PATE2: variants seen among roughly 807,000 people sequenced by gnomAD.
PATE2 encodes prostate and testis expressed protein 2.
PATE2 carries 7 observed loss-of-function variants against 10.5 expected under a neutral mutation model. That is an observed-to-expected ratio of 0.66 (90% CI 0.38 to 1.25). The LOEUF is 1.25. Ranked by LOEUF, PATE2 falls within the 50% of genes most tolerant of loss-of-function variation. The pLI, the probability that PATE2 is intolerant of heterozygous loss-of-function variation, is 0.02. For synonymous variants in PATE2, 44 were observed against 46.9 expected, an observed-to-expected ratio of 0.94 and a Z score of 0.25; for missense variants, 133 against 135.4, an observed-to-expected ratio of 0.98 and a Z score of 0.09.
At chr11:125,778,067 C>G (rs1943504117) in intron 2 of PATE2, 65 bp from the exon 3 acceptor site, 2 of 1,562,034 alleles carry the variant, frequency 1.3e-6, no homozygotes, top group African/African-American at 2.7e-5. Context: ...GGGCTGGGGG[C>G]TTCACTACAG....
intron 2 of PATE2, 151 bp downstream of exon 2, chr11:125,778,401 T>C (rs1943507128): frequency 2.3e-6 from 2 of 857,546 alleles, no homozygotes; most frequent in Middle Eastern, 2.3e-4. Flanking sequence ...CTCTAAGAAA[T>C]GGACAAAACA....
intron 1 of PATE2, 56 bp downstream of exon 1, chr11:125,778,666 A>G (rs915843347): frequency 6.2e-7 from 1 of 1,612,478 alleles, no homozygotes; most frequent in Admixed American, 1.7e-5. Context: ...CTCTTCCCCC[A>G]GCATCTGTCC....
chr11:125,778,716 A>T lies in PATE2; in HGVS notation c.52+6T>A. 6.2e-7 allele frequency: 1 copy of T among 1,613,566 alleles called. No homozygotes were observed. The highest frequency in any genetic ancestry group is 8.5e-7 in the Non-Finnish European group (1 of 1,179,700). On this transcript the variant is annotated splice_donor_region_variant and intron_variant, in intron 1 of 3. Coordinates refer to ENST00000358524, the MANE Select transcript of PATE2 (RefSeq NM_212555.3). Reference sequence around the variant, plus strand: ...CACCAGCTTCCCCTCTGTCTCCAGGACTTACCCCAATATGGGCAGAGCAGA... The same window carrying T: ...CACCAGCTTCCCCTCTGTCTCCAGGTCTTACCCCAATATGGGCAGAGCAGA...
chr11:125,778,146 T>G lies in PATE2; in HGVS notation c.77-144A>C, dbSNP rs370098281. Reference sequence around the variant, plus strand: ...GGACTCTTGGTAATCTTGAGAAAGATAGGGATAATCATGCTGCGGTCCTCC... The same window carrying G: ...GGACTCTTGGTAATCTTGAGAAAGAGAGGGATAATCATGCTGCGGTCCTCC... On this transcript the variant is annotated intron_variant, in intron 2 of 3. Transcript: ENST00000358524. The G allele has an allele frequency of 6.6e-5, 54 of 813,810 alleles. No individual in the cohort carries two copies. In the South Asian group the frequency reaches 8.7e-4, roughly 13 times the overall value. 50.4% of individuals were successfully genotyped at this position (813,810 alleles called of 1,614,324 possible).
Position 125,777,030 on chromosome 11 carries a change from C to T in PATE2, c.*352G>A. 1.7e-5 allele frequency: 3 copies of T among 178,164 alleles called. No individual in the cohort carries two copies. The highest frequency in any genetic ancestry group is 1.5e-4 in the South Asian group (1 of 6,574). The allele number at this position is 178,164 out of a possible 1,614,324, so 11.0% of individuals were successfully genotyped here. On this transcript the variant is annotated 3_prime_UTR_variant, in exon 4 of 4. Coordinates refer to ENST00000358524, the MANE Select transcript of PATE2 (RefSeq NM_212555.3). Reference sequence around the variant, plus strand: ...TGTGTAGATGAGGATAGAGGATAGTCACAGAATTCTCAGTACAAATTGGAG... The same window carrying T: ...TGTGTAGATGAGGATAGAGGATAGTTACAGAATTCTCAGTACAAATTGGAG...
Position 125,777,446 on chromosome 11 carries a change from G to C in PATE2, c.278C>G (p.Thr93Arg), listed in dbSNP as rs200971233. The part of the protein sequence containing the change: ...SCEDINFLGF[T>R]KRVELICCDH... ...ACAACAGATGAGCTCTACCCTCTTC[G>C]TGAACCCCAGGAAGTTGATGTCCTC... Residue 93 changes from threonine to arginine, a missense_variant, in exon 4 of 4, where the codon ACG becomes AGG. Coordinates refer to ENST00000358524, the MANE Select transcript of PATE2 (RefSeq NM_212555.3). 1 of 1,613,594 alleles carries C rather than the reference G, an allele frequency of 6.2e-7. No homozygotes were observed. Among genetic ancestry groups the C allele is most frequent in the Admixed American group, 1.7e-5 (1 of 59,928 alleles).
At chr11:125,778,501 A>G (rs1943508311) in intron 2 of PATE2, 51 bp downstream of exon 2, 6 of 1,586,194 alleles carry the variant, frequency 3.8e-6, no homozygotes, top group Non-Finnish European at 5.2e-6. Context: ...GCTCCTAAAC[A>G]TGTCACAAAT....
chr11:125,778,658 C>A, intron 1 of PATE2, 64 bp downstream of exon 1: 1 of 1,612,532 alleles, frequency 6.2e-7, no homozygotes, highest in Non-Finnish European at 8.5e-7. Flanking sequence ...AAAACTTTCT[C>A]TTCCCCCAGC....
intron 3 of PATE2, 42 bp from the exon 4 acceptor site, chr11:125,777,560 A>G (rs199586918): frequency 2.5e-6 from 4 of 1,610,234 alleles, no homozygotes; most frequent in Non-Finnish European, 3.4e-6. Context: ...TAATGACCTC[A>G]TTTCCTTTTA....
chr11:125,777,161 C>A lies in PATE2; in HGVS notation c.*221G>T. ...GTAAGGAGAGCAAAACCCCTCCCAC[C>A]TGTTAGCGACAGGGATGTGCAAAGA... On this transcript the variant is annotated 3_prime_UTR_variant, in exon 4 of 4. Coordinates refer to ENST00000358524, the MANE Select transcript of PATE2 (RefSeq NM_212555.3). 1 of 488,726 alleles carries A rather than the reference C, an allele frequency of 2.0e-6. No individual in the cohort carries two copies. The highest frequency in any genetic ancestry group is 3.6e-6 in the Non-Finnish European group (1 of 276,266). The allele number at this position is 488,726 out of a possible 1,614,324, so 30.3% of individuals were successfully genotyped here. A position where few individuals can be genotyped will look rare whatever the true frequency, so the allele number is the denominator to read the frequency against.
At position 125,778,813 on chromosome 11, in the gene PATE2, C is replaced by A; in HGVS notation, c.-40G>T. The A allele has an allele frequency of 6.2e-7, 1 of 1,608,280 alleles. No homozygotes were observed. The highest frequency in any genetic ancestry group is 8.5e-7 in the Non-Finnish European group (1 of 1,175,530). On this transcript the variant is annotated 5_prime_UTR_variant, in exon 1 of 4. Transcript: ENST00000358524. ...CAGGTGCAGCTTCCTGTGGAAGGAG[C>A]AAGTTGTTCTCTTGTGATCTGTCCT...
chr11:125,778,520 T>C, intron 2 of PATE2, 32 bp downstream of exon 2: 1 of 1,611,194 alleles, frequency 6.2e-7, no homozygotes, highest in Non-Finnish European at 8.5e-7. Flanking sequence ...ATTGCCTGTT[T>C]ACCAAGGACT....
chr11:125,778,799 T>A lies in PATE2; in HGVS notation c.-26A>T. The A allele has an allele frequency of 6.2e-7, 1 of 1,612,902 alleles. No individual in the cohort carries two copies. Among genetic ancestry groups the A allele is most frequent in the African/African-American group, 1.3e-5 (1 of 74,962 alleles). On this transcript the variant is annotated 5_prime_UTR_variant, in exon 1 of 4. Transcript: ENST00000358524. ...CCTGGAGCTTCTGTCAGGTGCAGCT[T>A]CCTGTGGAAGGAGCAAGTTGTTCTC...
Position 125,777,031 on chromosome 11 carries a change from A to ATT in PATE2, c.*350_*351insAA. 5.5e-6 allele frequency: 1 copy of ATT among 181,160 alleles called. No individual in the cohort carries two copies. The highest frequency in any genetic ancestry group is 1.5e-4 in the South Asian group (1 of 6,840). The allele number at this position is 181,160 out of a possible 1,614,324, so 11.2% of individuals were successfully genotyped here. A position where few individuals can be genotyped will look rare whatever the true frequency, so the allele number is the denominator to read the frequency against. On this transcript the variant is annotated 3_prime_UTR_variant, in exon 4 of 4. Coordinates refer to ENST00000358524, the MANE Select transcript of PATE2 (RefSeq NM_212555.3). ...GTGTAGATGAGGATAGAGGATAGTCACAGAATTCTCAGTACAAATTGGAGA... is the reference window on the plus strand; with the variant it reads ...GTGTAGATGAGGATAGAGGATAGTCATTCAGAATTCTCAGTACAAATTGGAGA...
chr11:125,777,514 C>A lies in PATE2; in HGVS notation c.210G>T (p.Gln70His), dbSNP rs1430547594. Residue 70 changes from glutamine (Q) to histidine (H), a missense_variant, in exon 4 of 4, where the codon CAG (glutamine) becomes CAT (histidine). Physicochemically the swap from Gln to His is conservative, Grantham distance 24 (BLOSUM62 0). Coordinates refer to ENST00000358524, the MANE Select transcript of PATE2 (RefSeq NM_212555.3). ...ENFYILTRKG[Q>H]SMYHYSKLSC... ...ACAGTTTTGAATAATGATACATGCT[C>A]TGCCCTGAGGAGGTAAAAGAGAGGA... The A allele has an allele frequency of 1.4e-5, 22 of 1,613,508 alleles. No homozygotes were observed. Among genetic ancestry groups the A allele is most frequent in the Non-Finnish European group, 1.9e-5 (22 of 1,179,732 alleles).
chr11:125,777,543 A>T, intron 3 of PATE2, 25 bp from the exon 4 acceptor site: 1 of 1,612,708 alleles, frequency 6.2e-7, no homozygotes, highest in Non-Finnish European at 8.5e-7. Flanking sequence ...GAGAGGAAAT[A>T]TGATCATAAT....
chr11:125,777,348 G>T lies in PATE2; in HGVS notation c.*34C>A, dbSNP rs1943494419. The T allele has an allele frequency of 6.2e-7, 1 of 1,607,552 alleles. No homozygotes were observed. Among genetic ancestry groups the T allele is most frequent in the South Asian group, 1.1e-5 (1 of 90,718 alleles). ...GGAAGAGAAAAAGAGCGTAGTGGTTGAAAAAGAACCCAAAATCCAGGAGAG... is the reference window on the plus strand; with the variant it reads ...GGAAGAGAAAAAGAGCGTAGTGGTTTAAAAAGAACCCAAAATCCAGGAGAG... On this transcript the variant is annotated 3_prime_UTR_variant, in exon 4 of 4. Coordinates refer to ENST00000358524, the MANE Select transcript of PATE2 (RefSeq NM_212555.3).
chr11:125,777,540 A>T, intron 3 of PATE2, 22 bp from the exon 4 acceptor site: 2 of 1,612,954 alleles, frequency 1.2e-6, no homozygotes, highest in Non-Finnish European at 1.7e-6. Flanking sequence ...AAAGAGAGGA[A>T]ATATGATCAT....
At position 125,777,230 on chromosome 11, in the gene PATE2, T is replaced by A; in HGVS notation, c.*152A>T. ...CATCAATAGGCTCCGCTGTCCACACTGCGTCTCCTTATGCCTGCTTGTCTT... is the reference window on the plus strand; with the variant it reads ...CATCAATAGGCTCCGCTGTCCACACAGCGTCTCCTTATGCCTGCTTGTCTT... On this transcript the variant is annotated 3_prime_UTR_variant, in exon 4 of 4. Transcript: ENST00000358524. The A allele has an allele frequency of 2.3e-6, 2 of 874,338 alleles. No individual in the cohort carries two copies. The highest frequency in any genetic ancestry group is 3.4e-6 in the Non-Finnish European group (2 of 582,680). 54.2% of individuals were successfully genotyped at this position (874,338 alleles called of 1,614,324 possible). A position where few individuals can be genotyped will look rare whatever the true frequency, so the allele number is the denominator to read the frequency against.
Sources: gnomAD v4.1 joint callset for allele counts on GRCh38, gnomAD v4.1.1 for gene constraint, MANE v1.5 for transcripts, NCBI Gene and HGNC (gene_info 2026-07-23, HGNC 2026-07-21) for gene names.